The following USP54 variants were observed in gnomAD, a reference collection of about 807,000 sequenced individuals.
The protein encoded by USP54 is ubiquitin carboxyl-terminal hydrolase 54.
USP54 carries 87 observed loss-of-function variants against 170.5 expected under a neutral mutation model. That is an observed-to-expected ratio of 0.51 (90% CI 0.43 to 0.61). The LOEUF (loss-of-function observed/expected upper bound fraction) is 0.61. Among genes scored for constraint, USP54 ranks in the 20% least tolerant of loss-of-function variants. The pLI is 0.00. For synonymous variants in USP54, 655 were observed against 742.8 expected, an observed-to-expected ratio of 0.88 and a Z score of 1.92; for missense variants, 1,786 against 2,047.8, an observed-to-expected ratio of 0.87 and a Z score of 2.47.
At chr10:73,525,039 G>A (rs181430092) in intron 16 of USP54, among the ~76,000 whole-genome samples, 360 of 152,224 alleles carry the variant, frequency 2.4e-3, no homozygotes, top group African/African-American at 8.5e-3. Context: ...GATCTAAATA[G>A]ATCCAGAAGG....
chr10:73,528,156 G>A (rs1251521264), intron 15 of USP54, among the ~76,000 whole-genome samples: 2 of 152,032 alleles, frequency 1.3e-5, no homozygotes, highest in East Asian at 1.9e-4. Flanking sequence ...AGATGTTCTC[G>A]ATCTCCTGAC....
At chr10:73,608,748 T>A (rs533818966) in intron 1 of USP54, among the ~76,000 whole-genome samples, 31 of 152,140 alleles carry the variant, frequency 2.0e-4, no homozygotes, top group African/African-American at 7.2e-4. Flanking sequence ...ATATAAAAAA[T>A]TAGCAGGGCA....
chr10:73,504,711 G>C, intron 22 of USP54, 139 bp downstream of exon 22: 1 of 1,071,830 alleles, frequency 9.3e-7, no homozygotes, highest in Non-Finnish European at 1.3e-6. Flanking sequence ...TAATGACTGC[G>C]TGTCCTTATT....
chr10:73,507,904 T>C (rs1169100270), intron 20 of USP54, among the ~76,000 whole-genome samples: 1 of 150,912 alleles, frequency 6.6e-6, no homozygotes, highest in Non-Finnish European at 1.5e-5. Flanking sequence ...GGCAGGAGGG[T>C]CACGTGAACC....
At chr10:73,560,767 A>G (rs2072735890) in intron 4 of USP54, among the ~76,000 whole-genome samples, 1 of 151,812 alleles carries the variant, frequency 6.6e-6, no homozygotes, top group African/African-American at 2.4e-5. Flanking sequence ...AAAGACAGGA[A>G]GAAAAATGGA....
intron 22 of USP54, among the ~76,000 whole-genome samples, chr10:73,502,115 T>C (rs1007324579): frequency 6.6e-6 from 1 of 152,188 alleles, no homozygotes; most frequent in Admixed American, 6.5e-5. Flanking sequence ...AATAATACAT[T>C]AAATAAAATA....
At chr10:73,506,773 T>C (rs1401134161) in intron 20 of USP54, 2 of 152,116 alleles carry the variant, frequency 1.3e-5, no homozygotes, top group African/African-American at 4.8e-5. Flanking sequence ...GAAAATATCC[T>C]TGAACATTAT....
intron 1 of USP54, among the ~76,000 whole-genome samples, chr10:73,612,857 A>AAAAAAG (rs2132318932): frequency 6.6e-6 from 1 of 151,410 alleles, no homozygotes; most frequent in African/African-American, 2.4e-5. Context: ...AAAAAAAAAA[A>AAAAAAG]AAAAAAGAAT....
At chr10:73,501,400 T>C (rs1476895701) in intron 22 of USP54, among the ~76,000 whole-genome samples, 3 of 152,170 alleles carry the variant, frequency 2.0e-5, no homozygotes, top group African/African-American at 4.8e-5. Context: ...TTATGATAAA[T>C]ACCCAGAAAT....
At chr10:73,571,898 G>A (rs1003504288) in intron 3 of USP54, among the ~76,000 whole-genome samples, 1 of 152,148 alleles carries the variant, frequency 6.6e-6, no homozygotes, top group Non-Finnish European at 1.5e-5. Context: ...GTAGAAATGT[G>A]AGCTGTAGTG....
rs200389381 is a variant in USP54 at position 73,521,021 on chromosome 10, C to T, written c.2369G>A (p.Ser790Asn). ...TTGCAGGGACCTCTCAAAGCCGTCA[C>T]TCCTCCCTGAAAGGGCCAGCACTTT... ...DLDELQNQGR[S>N]DGFERSLQEA... is the part of the protein sequence containing the mutation. Residue 790 changes from serine (S) to asparagine (N), a missense_variant, in exon 18 of 24, where the codon AGT (serine) becomes AAT (asparagine). By Grantham distance (46) the Ser-to-Asn change is conservative. Transcript: ENST00000687698. 2 of 1,613,938 alleles carry T rather than the reference C, an allele frequency of 1.2e-6. No homozygotes were observed. Among genetic ancestry groups the T allele is most frequent in the Non-Finnish European group, 1.7e-6 (2 of 1,180,036 alleles).
At chr10:73,566,774 G>A (rs917107776) in intron 4 of USP54, among the ~76,000 whole-genome samples, 4 of 152,080 alleles carry the variant, frequency 2.6e-5, no homozygotes, top group South Asian at 2.1e-4. Context: ...CAACAACAAG[G>A]AAATGACTAC....
rs199522564 is a variant in USP54, at chr10:73,498,760, A to C, written c.4924T>G (p.Trp1642Gly). 52 of 1,613,924 alleles carry C rather than the reference A, an allele frequency of 3.2e-5. No individual in the cohort carries two copies. Among genetic ancestry groups the C allele is most frequent in the Non-Finnish European group, 4.2e-5 (50 of 1,179,910 alleles). The change falls in exon 24 of 24, where the codon TGG becomes GGG. Residue 1642 changes from tryptophan to glycine, a missense_variant. This residue lies in a region of USP54 where 1,418 missense variants were observed against 1,569.0 expected (regional missense o/e 0.90). Transcript: ENST00000687698. ...RRVDMPPDDD[W>G]RQSSYASHSG... ...TGGGAGGCATAACTGCTTTGCCTCC[A>C]GTCATCATCTGGGGGCATATCTACT...
intron 4 of USP54, among the ~76,000 whole-genome samples, chr10:73,563,500 C>T (rs1186297454): frequency 6.6e-6 from 1 of 152,032 alleles, no homozygotes; most frequent in Non-Finnish European, 1.5e-5. Context: ...TGTAATGGCA[C>T]GATCTCAGCT....
At chr10:73,587,431 C>T (rs2077635249) in intron 1 of USP54, among the ~76,000 whole-genome samples, 1 of 151,924 alleles carries the variant, frequency 6.6e-6, no homozygotes, top group Non-Finnish European at 1.5e-5. Context: ...GCCGAGACTG[C>T]GCCACTGCAC....
At chr10:73,571,831 C>T (rs1010512841) in intron 3 of USP54, among the ~76,000 whole-genome samples, 3 of 152,114 alleles carry the variant, frequency 2.0e-5, no homozygotes, top group Non-Finnish European at 4.4e-5. Context: ...GATTTATATT[C>T]ATTATCCACA....
rs2057920497 is a variant in USP54 at position 73,500,657 on chromosome 10, G to T, written c.4493C>A (p.Pro1498Gln). 1.3e-6 allele frequency: 2 copies of T among 1,591,520 alleles called. No individual in the cohort carries two copies. The highest frequency in any genetic ancestry group is 8.5e-7 in the Non-Finnish European group (1 of 1,171,232). Residue 1498 changes from proline to glutamine, a missense_variant and splice_region_variant, in exon 23 of 24, where the codon CCA (proline) becomes CAA (glutamine). By Grantham distance (76) the Pro-to-Gln change is moderately conservative. Coordinates refer to ENST00000687698, the MANE Select transcript of USP54 (RefSeq NM_001391956.1). Reference protein sequence around the residue: ...PTMAGEPNRLPGTSRSVQQFL... With the variant: ...PTMAGEPNRLQGTSRSVQQFL... ...AATATTAGATTTGGGGGAGTTACCT[G>T]GGAGTCTATTGGGCTCCCCTGCCAT... is the stretch of plus-strand genomic sequence containing the variant.
intron 4 of USP54, among the ~76,000 whole-genome samples, chr10:73,556,711 A>G (rs2071167903): frequency 6.6e-6 from 1 of 152,152 alleles, no homozygotes; most frequent in South Asian, 2.1e-4. Context: ...AAACAGGCAT[A>G]AGGTATAACT....
intron 1 of USP54, among the ~76,000 whole-genome samples, chr10:73,579,078 C>T (rs185382875): frequency 7.3e-5 from 11 of 151,570 alleles, no homozygotes; most frequent in Non-Finnish European, 1.3e-4. Flanking sequence ...CCCTCACCCC[C>T]ACCCCCTTCC....
Sources: gnomAD v4.1 joint callset for allele counts (sites outside exome capture counted in the v4.1 genomes callset) on GRCh38, gnomAD v4.1.1 for gene constraint, gnomAD v4.1.1 regional missense constraint, MANE v1.5 for transcripts, NCBI Gene and HGNC (gene_info 2026-07-23, HGNC 2026-07-21) for gene names.